Variants in CCDC141 observed in about 807,000 individuals in gnomAD.
CCDC141 encodes coiled-coil domain containing 141.
In CCDC141, 168 loss-of-function variants were observed where a neutral mutation model predicts 181.0. That is an observed-to-expected ratio of 0.93 (90% CI 0.82 to 1.05). CCDC141 has a LOEUF of 1.05. Among genes scored for constraint, CCDC141 ranks in the 50% least tolerant of loss-of-function variants. CCDC141 has a pLI of 0.00. For missense variants in CCDC141, 1,902 were observed against 1,788.5 expected, an observed-to-expected ratio of 1.06 and a Z score of -1.14; for synonymous variants, 666 against 642.3, an observed-to-expected ratio of 1.04 and a Z score of -0.56.
chr2:178,993,962 G>GTT (rs1246249249), intron 2 of CCDC141, among the ~76,000 whole-genome samples: 1 of 152,188 alleles, frequency 6.6e-6, no homozygotes, highest in African/African-American at 2.4e-5. Flanking sequence ...CAAGAGGTGA[G>GTT]TTCCCATGGA....
chr2:178,959,909 A>G (rs1690323165), intron 5 of CCDC141, among the ~76,000 whole-genome samples: 1 of 152,226 alleles, frequency 6.6e-6, no homozygotes, highest in Non-Finnish European at 1.5e-5. Context: ...CGATTTCATC[A>G]TCAGGTTTAT....
chr2:178,936,213 G>GT (rs1689283409), intron 6 of CCDC141, among the ~76,000 whole-genome samples: 1 of 152,004 alleles, frequency 6.6e-6, no homozygotes, highest in African/African-American at 2.4e-5. Context: ...GTCTTCCAGG[G>GT]TTTTTATAGT....
chr2:178,839,522 C>T (rs1006237146), intron 22 of CCDC141, among the ~76,000 whole-genome samples: 2 of 131,088 alleles, frequency 1.5e-5, no homozygotes, highest in African/African-American at 3.0e-5. Context: ...TGCAGTGAGC[C>T]GAGATCGAGA....
chr2:178,894,327 A>C (rs562882175), intron 8 of CCDC141, among the ~76,000 whole-genome samples: 109 of 138,644 alleles, frequency 7.9e-4, no homozygotes, highest in African/African-American at 2.8e-3. Flanking sequence ...CAAGCAAAAG[A>C]AAGTCAAAGA....
intron 17 of CCDC141, among the ~76,000 whole-genome samples, chr2:178,858,602 C>CTATA (rs1270988758): frequency 3.3e-5 from 5 of 152,098 alleles, no homozygotes; most frequent in African/African-American, 1.2e-4. Context: ...TACCACTAAA[C>CTATA]TATACACTTA....
At chr2:178,937,570 G>T (rs1337002722) in intron 6 of CCDC141, among the ~76,000 whole-genome samples, 6 of 151,996 alleles carry the variant, frequency 3.9e-5, no homozygotes, top group African/African-American at 1.4e-4. Flanking sequence ...TTGTGTCTCT[G>T]CCGGGTTTGG....
chr2:178,816,556 A>G, the CCDC141 span, among the ~76,000 whole-genome samples: 202 of 152,326 alleles, frequency 1.3e-3, no homozygotes, highest in African/African-American at 4.5e-3. Context: ...GGTAAATGCC[A>G]AGGAAACTAA....
intron 22 of CCDC141, among the ~76,000 whole-genome samples, chr2:178,844,464 A>T (rs1253152025): frequency 6.6e-6 from 1 of 152,202 alleles, no homozygotes; most frequent in Admixed American, 6.5e-5. Flanking sequence ...GATTTAGACC[A>T]ATCAGAGTAA....
Position 178,888,494 on chromosome 2 carries a change from C to T in CCDC141, c.1407+33G>A, listed in dbSNP as rs1269241716. 5.2e-6 allele frequency: 8 copies of T among 1,543,132 alleles called. No individual in the cohort carries two copies. In the African/African-American group the frequency reaches 1.1e-4, roughly 21 times the overall value. ...CTACCATATCATCTATTATCACCAA[C>T]TTAGATATTTAAGTTTTAGTTTACG... is the stretch of plus-strand genomic sequence containing the variant. On this transcript the variant is annotated intron_variant, in intron 9 of 23. Transcript: ENST00000443758.
chr2:179,040,862 T>C (rs1166014908), intron 2 of CCDC141, among the ~76,000 whole-genome samples: 2 of 152,200 alleles, frequency 1.3e-5, no homozygotes, highest in Non-Finnish European at 2.9e-5. Flanking sequence ...CATATAACTT[T>C]ATAACAGAAT....
At chr2:178,862,812 T>G (rs914833976) in intron 17 of CCDC141, among the ~76,000 whole-genome samples, 5 of 152,222 alleles carry the variant, frequency 3.3e-5, no homozygotes, top group African/African-American at 1.2e-4. Context: ...ACATTACATT[T>G]TTAAAAATTA....
chr2:178,856,519 A>C, intron 17 of CCDC141, 122 bp from the exon 18 acceptor site: 3 of 617,316 alleles, frequency 4.9e-6, no homozygotes, highest in Non-Finnish European at 2.5e-6. Context: ...ATTTAGGGTA[A>C]TTTTCCCTCC....
At chr2:178,954,965 C>G (rs866515494) in intron 5 of CCDC141, among the ~76,000 whole-genome samples, 8 of 152,072 alleles carry the variant, frequency 5.3e-5, no homozygotes, top group Admixed American at 2.0e-4. Context: ...AATTCTTCAC[C>G]ACTGTACCAT....
In CCDC141 at chr2:179,047,435, T is replaced by C. The variant is rs931138796; in HGVS notation, c.103-29A>G. ...AAAATAAAAATTAAATAAAATGCACTTTTAGTTCCTCTTGTTCCTTCCTCT... is the reference window on the plus strand; with the variant it reads ...AAAATAAAAATTAAATAAAATGCACCTTTAGTTCCTCTTGTTCCTTCCTCT... On this transcript the variant is annotated intron_variant, in intron 1 of 23. Transcript: ENST00000443758. 2.7e-6 allele frequency: 4 copies of C among 1,476,472 alleles called. No homozygotes were observed. In the South Asian group the frequency reaches 5.7e-5, roughly 21 times the overall value. The allele number at this position is 1,476,472 out of a possible 1,614,324, so 91.5% of individuals were successfully genotyped here.
At position 178,855,548 on chromosome 2, in the gene CCDC141, G is replaced by A. The variant is rs894678234; in HGVS notation, c.2866-7C>T. ...CCATTTTCCTTTTCAAAGCCTGTGT[G>A]AAAAACAAAAAGTTTTTTAAACAAC... On this transcript the variant is annotated splice_polypyrimidine_tract_variant and splice_region_variant and intron_variant, in intron 18 of 23. Coordinates refer to ENST00000443758, the MANE Select transcript of CCDC141 (RefSeq NM_173648.4). 6.5e-7 allele frequency: 1 copy of A among 1,549,914 alleles called. No individual in the cohort carries two copies. The highest frequency in any genetic ancestry group is 8.7e-7 in the Non-Finnish European group (1 of 1,152,908).
chr2:178,950,191 A>T (rs928655011), intron 5 of CCDC141, among the ~76,000 whole-genome samples: 1 of 152,198 alleles, frequency 6.6e-6, no homozygotes, highest in Non-Finnish European at 1.5e-5. Flanking sequence ...ATCTTCTTTA[A>T]CCCAAGACTT....
At position 178,865,883 on chromosome 2, in the gene CCDC141, G is replaced by A. The variant is rs1185472035; in HGVS notation, c.2608C>T (p.Gln870Ter). 6.3e-7 allele frequency: 1 copy of A among 1,598,830 alleles called. No homozygotes were observed. Among genetic ancestry groups the A allele is most frequent in the Admixed American group, 1.7e-5 (1 of 57,790 alleles). Residue 870 changes from glutamine to a stop codon, truncating the protein, a stop_gained, in exon 17 of 24, where the codon CAG (glutamine) becomes TAG (stop). Coordinates refer to ENST00000443758, the MANE Select transcript of CCDC141 (RefSeq NM_173648.4). LOFTEE classifies it high-confidence loss of function. ...TCCTCCTCAAGGAGCTCCAGCTGCT[G>A]CTGTAGGTTCTTTGCAGAAACATTA... ...CSNVSAKNLQQQLELLEEDSM... is the reference protein window; with the variant it reads ...CSNVSAKNLQ
At chr2:178,969,828 T>A (rs1268901087) in intron 4 of CCDC141, among the ~76,000 whole-genome samples, 1 of 152,186 alleles carries the variant, frequency 6.6e-6, no homozygotes, top group Non-Finnish European at 1.5e-5. Flanking sequence ...AGAGAAGAAG[T>A]CAAATTGTCT....
rs2043525474 is a variant in CCDC141 at position 179,047,189 on chromosome 2, C to T, written c.225+95G>A. 5 of 1,148,448 alleles carry T rather than the reference C, an allele frequency of 4.4e-6. No homozygotes were observed. In the East Asian group the frequency reaches 1.4e-4, roughly 32 times the overall value. The allele number at this position is 1,148,448 out of a possible 1,614,324, so 71.1% of individuals were successfully genotyped here. A position where few individuals can be genotyped will look rare whatever the true frequency, so the allele number is the denominator to read the frequency against. The stretch of plus-strand genomic sequence containing the variant: ...TCTACCTGGTACCATATTAAAGTGG[C>T]CCTAGGCCAGTAACAGCAGAGGAAT... On this transcript the variant is annotated intron_variant, in intron 2 of 23. Transcript: ENST00000443758.
Sources: allele counts gnomAD v4.1 joint callset (sites outside exome capture counted in the v4.1 genomes callset), GRCh38; gene constraint gnomAD v4.1.1; transcripts MANE v1.5; gene names NCBI Gene and HGNC (gene_info 2026-07-23, HGNC 2026-07-21).